The following AKNAD1 variants were observed in gnomAD, a reference collection of about 807,000 sequenced individuals.
The protein encoded by AKNAD1 is protein AKNAD1.
AKNAD1 carries 67 observed loss-of-function variants against 90.8 expected under a neutral mutation model. The ratio of observed to expected loss-of-function variants is 0.74; its 90% CI spans 0.61 to 0.90. The LOEUF (loss-of-function observed/expected upper bound fraction) is 0.90. AKNAD1 is among the 40% of genes least tolerant of loss of function. The probability of loss-of-function intolerance (pLI) is 0.00; values close to 1 mark genes in which losing one functional copy is unlikely to be tolerated. For missense variants in AKNAD1, 957 were observed against 975.4 expected (o/e 0.98, Z 0.25); for synonymous variants, 327 against 341.4 (o/e 0.96, Z 0.46).
At position 108,852,307 on chromosome 1, in the gene AKNAD1, C is replaced by T. The variant is rs746603094; in HGVS notation, c.358G>A (p.Glu120Lys). ...SDILLHHLSK[E>K]PFLRGQGIDC... ...ATGCCTTGACCTCTTAAGAATGGCT[C>T]TTTGGAAAGATGATGAAGTAAAATA... The change falls in exon 2 of 16, where the codon GAG becomes AAG. Residue 120 changes from glutamate to lysine, a missense_variant. Glu to Lys is a moderately conservative substitution (Grantham distance 56). Transcript: ENST00000370001. 2 of 1,614,006 alleles carry T rather than the reference C, an allele frequency of 1.2e-6. No homozygotes were observed. Among genetic ancestry groups the T allele is most frequent in the African/African-American group, 1.3e-5 (1 of 74,896 alleles).
At position 108,843,158 on chromosome 1, in the gene AKNAD1, A is replaced by T; in HGVS notation, c.1355T>A (p.Ile452Asn). The part of the protein sequence containing the change: ...QQQVHKHEST[I>N]VGDFDPERKV... ...CCTTTCTGGATCAAAGTCACCAACGATTGTTGATTCGTGCTTGTGGACTTG... is the reference window on the plus strand; with the variant it reads ...CCTTTCTGGATCAAAGTCACCAACGTTTGTTGATTCGTGCTTGTGGACTTG... The change falls in exon 6 of 16, where the codon ATC becomes AAC. Residue 452 changes from isoleucine to asparagine, a missense_variant. Coordinates refer to ENST00000370001, the MANE Select transcript of AKNAD1 (RefSeq NM_152763.5). 6.2e-7 allele frequency: 1 copy of T among 1,614,156 alleles called. No individual in the cohort carries two copies. Among genetic ancestry groups the T allele is most frequent in the African/African-American group, 1.3e-5 (1 of 75,060 alleles).
chr1:108,856,741 CACAA>C (rs937502421), intron 1 of AKNAD1, among the ~76,000 whole-genome samples, 184 bp downstream of exon 1: 1 of 151,698 alleles, frequency 6.6e-6, no homozygotes, highest in Non-Finnish European at 1.5e-5. Flanking sequence ...AACACACACA[CACAA>C]ACACACACAC....
At position 108,830,592 on chromosome 1, in the gene AKNAD1, G is replaced by A. The variant is rs200586359; in HGVS notation, c.1805C>T (p.Pro602Leu). ...QDCAEMTAPS[P>L]SCAFCRRLLE... ...GAGCCTGCGACAGAAGGCACAGCTC[G>A]GACTGGGTGCCGTCATCTCTGCACA... Residue 602 changes from proline (P) to leucine (L), a missense_variant, in exon 10 of 16, where the codon CCG (proline) becomes CTG (leucine). By Grantham distance (98) the Pro-to-Leu change is moderately conservative. Coordinates refer to ENST00000370001, the MANE Select transcript of AKNAD1 (RefSeq NM_152763.5). 7.2e-5 allele frequency: 116 copies of A among 1,614,078 alleles called. No homozygotes were observed. The Middle Eastern group carries it at 1.3e-3, about 18-fold the overall frequency.
rs752484297 is a variant in AKNAD1 at position 108,852,258 on chromosome 1, A to T, written c.407T>A (p.Ile136Asn). 1.2e-6 allele frequency: 2 copies of T among 1,613,792 alleles called. No homozygotes were observed. Among genetic ancestry groups the T allele is most frequent in the African/African-American group, 2.7e-5 (2 of 74,880 alleles). ...QGIDCETLPE[I>N]SNADSFEEEA... The stretch of plus-strand genomic sequence containing the variant: ...CTCTTCAAAACTGTCGGCATTTGAG[A>T]TCTCTGGGAGGGTTTCACAATCAAT... Residue 136 changes from isoleucine (I) to asparagine (N), a missense_variant, in exon 2 of 16, where the codon ATC becomes AAC. Ile to Asn is a moderately radical substitution (Grantham distance 149, BLOSUM62 -3). Coordinates refer to ENST00000370001, the MANE Select transcript of AKNAD1 (RefSeq NM_152763.5).
At chr1:108,838,057 T>C (rs1185849606) in intron 6 of AKNAD1, among the ~76,000 whole-genome samples, 1 of 152,242 alleles carries the variant, frequency 6.6e-6, no homozygotes, top group African/African-American at 2.4e-5. Flanking sequence ...ATGGAATTAC[T>C]TGTTATGCTA....
chr1:108,842,014 C>G (rs1052185194), intron 6 of AKNAD1, among the ~76,000 whole-genome samples: 2 of 151,984 alleles, frequency 1.3e-5, no homozygotes, highest in Non-Finnish European at 2.9e-5. Context: ...AATGACTGCC[C>G]AAGCAGAAGA....
chr1:108,841,129 C>T (rs1377008224), intron 6 of AKNAD1, among the ~76,000 whole-genome samples: 5 of 151,848 alleles, frequency 3.3e-5, no homozygotes, highest in Admixed American at 6.6e-5. Context: ...GCCGAGATCG[C>T]GCCACTGCAC....
At position 108,851,808 on chromosome 1, in the gene AKNAD1, G is replaced by T; in HGVS notation, c.857C>A (p.Ala286Asp). Residue 286 changes from alanine (A) to aspartate (D), a missense_variant, in exon 2 of 16, where the codon GCC becomes GAC. By Grantham distance (126) the Ala-to-Asp change is moderately radical. Transcript: ENST00000370001. ...ATCTCTCGACTTGGAAGAAAAGCTG[G>T]CTTGTTTAGCTATTGCAAGTGGTTT... ...INKPLAIAKQ[A>D]SFSSKSRDKP... 6.2e-7 allele frequency: 1 copy of T among 1,614,118 alleles called. No individual in the cohort carries two copies. Among genetic ancestry groups the T allele is most frequent in the Non-Finnish European group, 8.5e-7 (1 of 1,180,014 alleles).
At chr1:108,820,781 GC>G (rs543374345) in intron 13 of AKNAD1, among the ~76,000 whole-genome samples, 155 bp from the exon 14 acceptor site, 24 of 152,154 alleles carry the variant, frequency 1.6e-4, no homozygotes, top group Non-Finnish European at 3.2e-4. Flanking sequence ...AAGAACTTTT[GC>G]TGGGCGCGGT....
At chr1:108,846,332 C>T (rs1003546035) in intron 5 of AKNAD1, among the ~76,000 whole-genome samples, 7 of 152,284 alleles carry the variant, frequency 4.6e-5, no homozygotes, top group Non-Finnish European at 7.3e-5. Flanking sequence ...AGAAACCTCC[C>T]GCATCCAGGC....
chr1:108,841,665 T>C (rs1239655408), intron 6 of AKNAD1, among the ~76,000 whole-genome samples: 2 of 152,178 alleles, frequency 1.3e-5, no homozygotes, highest in Non-Finnish European at 2.9e-5. Context: ...GCCCTCTGCA[T>C]TAGCCTTTGG....
chr1:108,851,117 C>T (rs745415428), intron 2 of AKNAD1, among the ~76,000 whole-genome samples: 1 of 152,162 alleles, frequency 6.6e-6, no homozygotes, highest in Non-Finnish European at 1.5e-5. Context: ...TTGCTGCCCT[C>T]CAGAGCCTTA....
In AKNAD1 at chr1:108,852,275, A is replaced by C; in HGVS notation, c.390T>G (p.Cys130Trp). The C allele has an allele frequency of 6.2e-7, 1 of 1,614,158 alleles. No individual in the cohort carries two copies. Among genetic ancestry groups the C allele is most frequent in the Non-Finnish European group, 8.5e-7 (1 of 1,180,036 alleles). Residue 130 changes from cysteine (C) to tryptophan (W), a missense_variant, in exon 2 of 16, where the codon TGT becomes TGG. By Grantham distance (215) the Cys-to-Trp change is radical. Coordinates refer to ENST00000370001, the MANE Select transcript of AKNAD1 (RefSeq NM_152763.5). ...EPFLRGQGID[C>W]ETLPEISNAD... ...CATTTGAGATCTCTGGGAGGGTTTC[A>C]CAATCAATGCCTTGACCTCTTAAGA...
chr1:108,819,859 G>T (rs1663755194), intron 14 of AKNAD1, among the ~76,000 whole-genome samples: 2 of 145,518 alleles, frequency 1.4e-5, no homozygotes, highest in South Asian at 4.4e-4. Context: ...GATCACCACT[G>T]CACTCCATCC....
chr1:108,843,522 AC>A (rs2101202767), intron 5 of AKNAD1, among the ~76,000 whole-genome samples: 1 of 152,210 alleles, frequency 6.6e-6, no homozygotes, highest in African/African-American at 2.4e-5. Context: ...CTCAGAACCC[AC>A]TCAGAGGCCT....
chr1:108,851,614 CTG>C, intron 2 of AKNAD1, 56 bp downstream of exon 2: 7 of 1,475,242 alleles, frequency 4.7e-6, no homozygotes, highest in Non-Finnish European at 6.3e-6. Context: ...AAAACCCACA[CTG>C]AAAGAGATAA....
chr1:108,854,932 T>C (rs1338850031), intron 1 of AKNAD1, among the ~76,000 whole-genome samples: 2 of 152,032 alleles, frequency 1.3e-5, no homozygotes, highest in African/African-American at 2.4e-5. Context: ...TAGCAATACC[T>C]GAAATAAGGC....
intron 2 of AKNAD1, among the ~76,000 whole-genome samples, chr1:108,850,539 G>A (rs1241930159): frequency 1.3e-5 from 2 of 152,136 alleles, no homozygotes; most frequent in African/African-American, 4.8e-5. Context: ...CAGGTGGGCT[G>A]TTGGCTCAGG....
In AKNAD1 at chr1:108,852,042, T is replaced by G. The variant is rs750411913; in HGVS notation, c.623A>C (p.His208Pro). 1.2e-6 allele frequency: 2 copies of G among 1,614,114 alleles called. No individual in the cohort carries two copies. The highest frequency in any genetic ancestry group is 2.2e-5 in the South Asian group (2 of 91,084). ...AGTTAGAACATTCACATTTTCTTGA[T>G]GGCTGCTATCTCCAGCAGCCACTGG... ...EGPVAAGDSS[H>P]QENVNVLTKT... Residue 208 changes from histidine to proline, a missense_variant, in exon 2 of 16, where the codon CAT (histidine) becomes CCT (proline). Physicochemically the swap from His to Pro is moderately conservative, Grantham distance 77. Coordinates refer to ENST00000370001, the MANE Select transcript of AKNAD1 (RefSeq NM_152763.5).
Sources: gnomAD v4.1 joint callset for allele counts (sites outside exome capture counted in the v4.1 genomes callset) on GRCh38, gnomAD v4.1.1 for gene constraint, MANE v1.5 for transcripts, NCBI Gene and HGNC (gene_info 2026-07-23, HGNC 2026-07-21) for gene names.